Variants in ZBTB8A observed in about 807,000 individuals in gnomAD.
ZBTB8A encodes the protein zinc finger and BTB domain-containing protein 8A.
In ZBTB8A, 19 loss-of-function variants were observed where a neutral mutation model predicts 37.8. The ratio of observed to expected loss-of-function variants is 0.50; its 90% CI spans 0.35 to 0.74. The LOEUF is 0.74. Among genes scored for constraint, ZBTB8A ranks in the 30% least tolerant of loss-of-function variants. The probability of loss-of-function intolerance (pLI) is 0.01; values close to 1 mark genes in which losing one functional copy is unlikely to be tolerated. For missense variants in ZBTB8A, 394 were observed against 537.8 expected (o/e 0.73, Z 2.65); for synonymous variants, 181 against 185.2 (o/e 0.98, Z 0.19).
intron 2 of ZBTB8A, among the ~76,000 whole-genome samples, chr1:32,584,638 T>C (rs1046296241): frequency 6.6e-6 from 1 of 150,742 alleles, no homozygotes; most frequent in Middle Eastern, 3.2e-3. Context: ...CAGCATCCCA[T>C]GTAGCTGGAA....
chr1:32,598,479 C>T (rs937425856), intron 4 of ZBTB8A, among the ~76,000 whole-genome samples: 3 of 151,754 alleles, frequency 2.0e-5, no homozygotes, highest in African/African-American at 7.3e-5. Flanking sequence ...TCAAGTGATC[C>T]ACTCACCTCA....
chr1:32,578,038 G>A (rs191293308), intron 2 of ZBTB8A, among the ~76,000 whole-genome samples: 1 of 151,868 alleles, frequency 6.6e-6, no homozygotes, highest in Non-Finnish European at 1.5e-5. Context: ...CCAGCAGCTG[G>A]GATTACAGGT....
At chr1:32,586,359 G>T (rs12025475) in intron 2 of ZBTB8A, among the ~76,000 whole-genome samples, 18,161 of 152,050 alleles carry the variant, frequency 0.12, 1,176 homozygotes, top group African/African-American at 0.18. Context: ...TAACATTTTT[G>T]AATCATTCAT....
intron 1 of ZBTB8A, among the ~76,000 whole-genome samples, chr1:32,540,107 CTG>C (rs372728042): frequency 3.9e-5 from 6 of 152,114 alleles, no homozygotes; most frequent in African/African-American, 1.2e-4. Flanking sequence ...GATGCGACAT[CTG>C]GGCTTAGAAC....
At chr1:32,579,220 G>A (rs530431271) in intron 2 of ZBTB8A, among the ~76,000 whole-genome samples, 75 of 152,024 alleles carry the variant, frequency 4.9e-4, no homozygotes, top group African/African-American at 1.8e-3. Flanking sequence ...AGGCTGAGGC[G>A]GATGGATCAC....
chr1:32,548,137 T>TAAA (rs770998213), intron 1 of ZBTB8A, among the ~76,000 whole-genome samples: 14 of 65,764 alleles, frequency 2.1e-4, no homozygotes, highest in East Asian at 4.8e-4. Flanking sequence ...CGTCTCAAAT[T>TAAA]AAAAAAAAAA....
chr1:32,541,916 T>C (rs549204767), intron 1 of ZBTB8A, among the ~76,000 whole-genome samples: 2 of 152,310 alleles, frequency 1.3e-5, no homozygotes, highest in South Asian at 4.1e-4. Context: ...CTCTTAAATG[T>C]TTTTAATACA....
intron 4 of ZBTB8A, 101 bp downstream of exon 4, chr1:32,595,324 A>G (rs755051587): frequency 2.4e-5 from 29 of 1,216,396 alleles, no homozygotes; most frequent in Non-Finnish European, 3.3e-5. Flanking sequence ...CTGGAGTACA[A>G]TGGTGTAATC....
chr1:32,547,640 AAAAG>A lies in ZBTB8A; in HGVS notation c.-83-5811_-83-5808del, dbSNP rs1243254244. ...AGTCTGTATCTCAAAAAAAAAAAAA[AAAAG>A]AAAGAAAAAAAGGCAAAAATGGTTT... On this transcript the variant is annotated intron_variant, in intron 1 of 4. Coordinates refer to ENST00000373510, the MANE Select transcript of ZBTB8A (RefSeq NM_001040441.3). Among the ~76,000 whole-genome samples the A allele has an allele frequency of 3.4e-5, 5 of 148,936 alleles. No individual in the cohort carries two copies. The East Asian group carries it at 7.9e-4, about 24-fold the overall frequency.
At chr1:32,568,283 C>T (rs1644299096) in intron 2 of ZBTB8A, among the ~76,000 whole-genome samples, 1 of 152,010 alleles carries the variant, frequency 6.6e-6, no homozygotes, top group Admixed American at 6.6e-5. Context: ...CTACAATTTC[C>T]CTCATGCCTT....
Position 32,593,427 on chromosome 1 carries a change from C to G in ZBTB8A, c.496C>G (p.Leu166Val). The change falls in exon 3 of 5, where the codon CTA (leucine) becomes GTA (valine). Residue 166 changes from leucine to valine, a missense_variant. This residue lies in a region of ZBTB8A where 171 missense variants were observed against 186.8 expected (regional missense o/e 0.92). Coordinates refer to ENST00000373510, the MANE Select transcript of ZBTB8A (RefSeq NM_001040441.3). ...QEGSSSPRSHLSPEQGTGIIS... is the reference protein window; with the variant it reads ...QEGSSSPRSHVSPEQGTGIIS... The stretch of plus-strand genomic sequence containing the variant: ...AGGAAGCAGTTCTCCACGTTCTCAC[C>G]TAAGCCCAGAGCAAGGAACAGGTAT... 6 of 1,613,956 alleles carry G rather than the reference C, an allele frequency of 3.7e-6. No individual in the cohort carries two copies. Among genetic ancestry groups the G allele is most frequent in the Non-Finnish European group, 5.1e-6 (6 of 1,180,034 alleles).
At chr1:32,560,067 G>A (rs1644231823) in intron 2 of ZBTB8A, among the ~76,000 whole-genome samples, 1 of 152,092 alleles carries the variant, frequency 6.6e-6, no homozygotes, top group East Asian at 1.9e-4. Context: ...GAAGACATAG[G>A]AGGAGCAGGC....
At chr1:32,573,432 C>CT (rs113989867) in intron 2 of ZBTB8A, among the ~76,000 whole-genome samples, 63 of 123,708 alleles carry the variant, frequency 5.1e-4, no homozygotes, top group Middle Eastern at 4.2e-3. Flanking sequence ...CTTTCTTCTT[C>CT]TTTTTTTTTT....
intron 3 of ZBTB8A, among the ~76,000 whole-genome samples, chr1:32,594,781 A>AT (rs1644516823): frequency 6.6e-6 from 1 of 151,658 alleles, no homozygotes; most frequent in Admixed American, 6.6e-5. Flanking sequence ...AAAAAAAAAA[A>AT]GCATAGCAGT....
At chr1:32,539,731 G>A (rs1035603791) in intron 1 of ZBTB8A, among the ~76,000 whole-genome samples, 159 bp downstream of exon 1, 1 of 786 alleles carries the variant, frequency 1.3e-3, no homozygotes, top group Non-Finnish European at 2.6e-3. Flanking sequence ...GGCCGGGAGC[G>A]CGGCGGGAGG....
chr1:32,551,154 A>T (rs1644152407), intron 1 of ZBTB8A, among the ~76,000 whole-genome samples: 1 of 152,128 alleles, frequency 6.6e-6, no homozygotes, highest in African/African-American at 2.4e-5. Context: ...CTCAAAAATT[A>T]TTAATTTTGG....
In ZBTB8A at chr1:32,547,828, CAAAAAAAAAAA is replaced by C. The variant is rs1194254576; in HGVS notation, c.-83-5618_-83-5608del. On this transcript the variant is annotated intron_variant, in intron 1 of 4. Coordinates refer to ENST00000373510, the MANE Select transcript of ZBTB8A (RefSeq NM_001040441.3). ...TGTCTAAAACAAAAAACAAACAAAG[CAAAAAAAAAAA>C]AAAAAAAAAAAAGACCAGGCGCAGT... Among the ~76,000 whole-genome samples the C allele has an allele frequency of 9.9e-3, 301 of 30,482 alleles. 3 individuals are homozygous for C. Among genetic ancestry groups the C allele is most frequent in the African/African-American group, 0.037 (263 of 7,194 alleles). The allele number at this position is 30,482 out of a possible 152,430, so 20.0% of individuals were successfully genotyped here. A position where few individuals can be genotyped will look rare whatever the true frequency, so the allele number is the denominator to read the frequency against.
chr1:32,575,161 A>G (rs991337597), intron 2 of ZBTB8A, among the ~76,000 whole-genome samples: 1 of 123,960 alleles, frequency 8.1e-6, no homozygotes, highest in Non-Finnish European at 1.7e-5. Context: ...CTGTCTTGCT[A>G]TTTGTTTCCT....
At chr1:32,547,153 C>A (rs763285192) in intron 1 of ZBTB8A, among the ~76,000 whole-genome samples, 14 of 151,934 alleles carry the variant, frequency 9.2e-5, no homozygotes, top group African/African-American at 3.1e-4. Flanking sequence ...ATCCTCCTGC[C>A]TGGGCCTTCC....
Sources: gnomAD v4.1 joint callset for allele counts (sites outside exome capture counted in the v4.1 genomes callset) on GRCh38, gnomAD v4.1.1 for gene constraint, gnomAD v4.1.1 regional missense constraint, MANE v1.5 for transcripts, NCBI Gene and HGNC (gene_info 2026-07-23, HGNC 2026-07-21) for gene names.